Variants in TRAK1 observed in about 807,000 individuals in gnomAD.
The protein encoded by TRAK1 is trafficking kinesin protein 1.
Under a neutral mutation model 92.1 loss-of-function variants are expected in TRAK1, and 33 were observed. The ratio of observed to expected loss-of-function variants is 0.36; its 90% confidence interval spans 0.27 to 0.48. The LOEUF (loss-of-function observed/expected upper bound fraction) is 0.48, where lower values mean the gene tolerates loss of function less well. Ranked by LOEUF, TRAK1 falls within the 20% of genes least tolerant of loss-of-function variation. TRAK1 has a pLI of 0.99. For missense variants in TRAK1, 1,123 were observed against 1,257.9 expected (o/e 0.89, Z 1.62); for synonymous variants, 521 against 517.3 (o/e 1.01, Z -0.10).
chr3:42,087,155 G>GC (rs1704719216), upstream of TRAK1: 1 of 152,610 alleles, frequency 6.6e-6, no homozygotes, highest in Admixed American at 6.5e-5. Context: ...GGGGCCATCT[G>GC]CCCAACTGCC....
intron 2 of TRAK1, among the ~76,000 whole-genome samples, chr3:42,128,360 C>T (rs1710856721): frequency 6.6e-6 from 1 of 152,196 alleles, no homozygotes; most frequent in South Asian, 2.1e-4. Flanking sequence ...AGCAGAGATT[C>T]TGAAAGTTCT....
intron 2 of TRAK1, among the ~76,000 whole-genome samples, chr3:42,168,044 TAGA>T (rs1156516482): frequency 1.3e-5 from 2 of 152,230 alleles, no homozygotes; most frequent in African/African-American, 4.8e-5. Context: ...TGGGAGAAGA[TAGA>T]AGAGGTTTAT....
At chr3:42,173,666 C>A (rs1271549976) in intron 2 of TRAK1, among the ~76,000 whole-genome samples, 1 of 152,176 alleles carries the variant, frequency 6.6e-6, no homozygotes, top group Admixed American at 6.5e-5. Flanking sequence ...AGTACAGGAG[C>A]CAGACTGGCC....
intron 1 of TRAK1, among the ~76,000 whole-genome samples, chr3:42,095,869 A>C (rs1043615297): frequency 6.6e-6 from 1 of 152,222 alleles, no homozygotes; most frequent in Non-Finnish European, 1.5e-5. Flanking sequence ...GTTAGGTCAC[A>C]GGGGCAGAGC....
chr3:42,158,961 AAATAATAATAATAATAAT>A (rs4016239), intron 2 of TRAK1, among the ~76,000 whole-genome samples: 4 of 140,172 alleles, frequency 2.9e-5, no homozygotes, highest in South Asian at 4.7e-4. Context: ...TCTGTCTCAA[AAATAATAATAATAATAAT>A]AATAATAATA....
intron 1 of TRAK1, among the ~76,000 whole-genome samples, chr3:42,016,956 G>A (rs1328431640): frequency 6.6e-6 from 1 of 152,066 alleles, no homozygotes; most frequent in Non-Finnish European, 1.5e-5. Context: ...TGTGACCCTT[G>A]GTTTTGAAAA....
At chr3:42,113,941 A>C (rs12630954) in intron 1 of TRAK1, among the ~76,000 whole-genome samples, 74,021 of 151,894 alleles carry the variant, frequency 0.49, 18,168 homozygotes, top group South Asian at 0.6. Context: ...GAACATTTTC[A>C]TCACCCCAAA....
chr3:42,036,684 A>G (rs951496513), intron 1 of TRAK1, among the ~76,000 whole-genome samples: 1 of 152,234 alleles, frequency 6.6e-6, no homozygotes, highest in Non-Finnish European at 1.5e-5. Flanking sequence ...TAAGAGTTAC[A>G]GACTTCCTAG....
At chr3:42,092,734 T>A (rs543243680) in intron 1 of TRAK1, among the ~76,000 whole-genome samples, 14 of 142,938 alleles carry the variant, frequency 9.8e-5, no homozygotes, top group African/African-American at 3.7e-4. Context: ...TTATGTTATG[T>A]TATGTTATGT....
intron 1 of TRAK1, among the ~76,000 whole-genome samples, chr3:42,055,103 A>G (rs1703146307): frequency 6.6e-6 from 1 of 151,874 alleles, no homozygotes; most frequent in Non-Finnish European, 1.5e-5. Context: ...TATTTTTAGT[A>G]GAGACAGGGT....
At chr3:42,049,267 A>G (rs1256119800) in intron 1 of TRAK1, among the ~76,000 whole-genome samples, 2 of 151,888 alleles carry the variant, frequency 1.3e-5, no homozygotes, top group African/African-American at 2.4e-5. Flanking sequence ...AGTTCTTTTA[A>G]CCACCTGTTG....
intron 1 of TRAK1, among the ~76,000 whole-genome samples, chr3:42,097,354 T>C (rs1287357156): frequency 6.6e-6 from 1 of 152,184 alleles, no homozygotes; most frequent in African/African-American, 2.4e-5. Context: ...GGACTGTAAT[T>C]TGATGGAGTG....
chr3:42,194,544 C>A (rs1384399130), intron 9 of TRAK1, among the ~76,000 whole-genome samples: 1 of 152,078 alleles, frequency 6.6e-6, no homozygotes, highest in African/African-American at 2.4e-5. Context: ...CCTGATTTTT[C>A]TTTTGCATGA....
At chr3:42,108,312 A>T (rs1247642116) in intron 1 of TRAK1, among the ~76,000 whole-genome samples, 1 of 152,000 alleles carries the variant, frequency 6.6e-6, no homozygotes, top group Non-Finnish European at 1.5e-5. Context: ...CAACATGGGG[A>T]AACCCCATCT....
chr3:42,129,876 ACTT>A (rs1696965988), intron 2 of TRAK1, among the ~76,000 whole-genome samples: 1 of 152,104 alleles, frequency 6.6e-6, no homozygotes, highest in Non-Finnish European at 1.5e-5. Context: ...GGACAAGAAA[ACTT>A]CTTGTTTAAG....
chr3:42,174,180 C>T (rs749445986), intron 2 of TRAK1, among the ~76,000 whole-genome samples: 8 of 152,094 alleles, frequency 5.3e-5, no homozygotes, highest in Admixed American at 2.6e-4. Flanking sequence ...TCTGCCACCA[C>T]GGCTGGCTAA....
At chr3:42,106,152 CA>C (rs1428093858) in intron 1 of TRAK1, among the ~76,000 whole-genome samples, 2 of 152,180 alleles carry the variant, frequency 1.3e-5, no homozygotes, top group African/African-American at 4.8e-5. Context: ...ATGACAGGAT[CA>C]AATTCACACA....
At position 42,018,306 on chromosome 3, in the gene TRAK1, C is replaced by A. The variant is rs1048195481; in HGVS notation, c.-519+4189C>A. 2.0e-5 allele frequency among the ~76,000 whole-genome samples: 3 copies of A among 151,588 alleles called. No homozygotes were observed. The South Asian group carries it at 6.2e-4, about 32-fold the overall frequency. ...ATATTGCTGTCTGAGTCAAAAAGTGCTCTTAAGGAAAATGTACCTTGTTTT... is the reference window on the plus strand; with the variant it reads ...ATATTGCTGTCTGAGTCAAAAAGTGATCTTAAGGAAAATGTACCTTGTTTT... On this transcript the variant is annotated intron_variant, in intron 1 of 16. Transcript: ENST00000487159.
intron 14 of TRAK1, chr3:42,218,032 C>G (rs1222972795): frequency 2.3e-5 from 23 of 985,084 alleles, no homozygotes; most frequent in Non-Finnish European, 2.7e-5. Context: ...TGCTGGCTGT[C>G]ACGTCAGGTG....
Sources: allele counts gnomAD v4.1 joint callset (sites outside exome capture counted in the v4.1 genomes callset), GRCh38; gene constraint gnomAD v4.1.1; transcripts MANE v1.5; gene names NCBI Gene and HGNC (gene_info 2026-07-23, HGNC 2026-07-21).